The following LRRK1 variants were observed in gnomAD, a reference collection of about 807,000 sequenced individuals.
The protein encoded by LRRK1 is leucine-rich repeat serine/threonine-protein kinase 1.
In LRRK1, 113 loss-of-function variants were observed where a neutral mutation model predicts 209.1. The ratio of observed to expected loss-of-function variants is 0.54; its 90% CI spans 0.46 to 0.63. The LOEUF is 0.63. Ranked by LOEUF, LRRK1 falls within the 30% of genes least tolerant of loss-of-function variation. The pLI is 0.00. For synonymous variants in LRRK1, 1,144 were observed against 1,099.7 expected, an observed-to-expected ratio of 1.04 and a Z score of -0.80; for missense variants, 2,284 against 2,632.2, an observed-to-expected ratio of 0.87 and a Z score of 2.89.
chr15:100,936,276 C>T lies in LRRK1; in HGVS notation c.97+11547C>T, dbSNP rs180671282. Among the ~76,000 whole-genome samples the T allele has an allele frequency of 3.3e-5, 5 of 152,330 alleles. No individual in the cohort carries two copies. The East Asian group carries it at 7.7e-4, about 23-fold the overall frequency. On this transcript the variant is annotated intron_variant, in intron 2 of 33. Transcript: ENST00000388948. ...CCTTTGGATCTCTCCCTGATCACTGCTCTCCTTCAACTCCAGGGGTAGCCA... is the reference window on the plus strand; with the variant it reads ...CCTTTGGATCTCTCCCTGATCACTGTTCTCCTTCAACTCCAGGGGTAGCCA...
Position 101,027,324 on chromosome 15 carries a change from G to C in LRRK1, c.2469G>C (p.Thr823=). The change falls in exon 18 of 34, where the codon ACG becomes ACC. Residue 823 remains threonine, a synonymous_variant. Transcript: ENST00000388948. This position sits in a 1 kb window ranked among gnomAD's most constrained non-coding sequence, Gnocchi z 5.1. Reference sequence around the variant, plus strand: ...TGCGACAGCTGATTTTCCACGTCACGTGCAGCATGAAGGACGTGGGCAGCA... The same window carrying C: ...TGCGACAGCTGATTTTCCACGTCACCTGCAGCATGAAGGACGTGGGCAGCA... The part of the protein sequence containing the change: ...EGLRQLIFHV[T]CSMKDVGSTI... The C allele has an allele frequency of 6.2e-7, 1 of 1,614,112 alleles. No individual in the cohort carries two copies. The highest frequency in any genetic ancestry group is 8.5e-7 in the Non-Finnish European group (1 of 1,180,022).
chr15:100,948,509 T>C (rs77242029), intron 2 of LRRK1, among the ~76,000 whole-genome samples: 311 of 152,390 alleles, frequency 2.0e-3, no homozygotes, highest in Non-Finnish European at 3.4e-3. Flanking sequence ...TAACCCTTTG[T>C]CTATACGTTG....
chr15:100,984,375 T>C (rs1348330929), intron 4 of LRRK1, among the ~76,000 whole-genome samples: 1 of 152,186 alleles, frequency 6.6e-6, no homozygotes, highest in Non-Finnish European at 1.5e-5. Flanking sequence ...GTATATCCCA[T>C]CGGTTTTGAC....
chr15:101,062,664 T>G lies in LRRK1; in HGVS notation c.4888T>G (p.Phe1630Val). Residue 1630 changes from phenylalanine (F) to valine (V), a missense_variant, in exon 31 of 34, where the codon TTC becomes GTC. Phe to Val is a conservative substitution (Grantham distance 50, BLOSUM62 -1). Coordinates refer to ENST00000388948, the MANE Select transcript of LRRK1 (RefSeq NM_024652.6). ...ALDTPAVVTC[F>V]LAVPVIKKNS... ...GGATACTCCAGCTGTCGTCACCTGC[T>G]TCTTGGCCGTGCCTGTTATTAAAAA... 2 of 1,613,970 alleles carry G rather than the reference T, an allele frequency of 1.2e-6. No homozygotes were observed. Among genetic ancestry groups the G allele is most frequent in the Non-Finnish European group, 1.7e-6 (2 of 1,179,800 alleles).
In LRRK1 at chr15:101,061,270, C is replaced by T; in HGVS notation, c.4779C>T (p.Ser1593=). The T allele has an allele frequency of 6.2e-7, 1 of 1,613,114 alleles. No homozygotes were observed. The highest frequency in any genetic ancestry group is 8.5e-7 in the Non-Finnish European group (1 of 1,179,154). ...KVSCQLQVQR[S]LWTATEDQKI... ...GCTGCCAGCTCCAGGTCCAGAGATC[C>T]CTGTGGACAGCCACCGAGGTAAGCA... The change falls in exon 30 of 34, where the codon TCC becomes TCT. Residue 1593 remains serine, a synonymous_variant. Transcript: ENST00000388948.
At chr15:100,933,494 C>T (rs936806356) in intron 2 of LRRK1, among the ~76,000 whole-genome samples, 29 of 152,104 alleles carry the variant, frequency 1.9e-4, no homozygotes, top group Admixed American at 1.3e-3. Flanking sequence ...TATCTTTTCG[C>T]TCACATTTTC....
rs370180202 is a variant in LRRK1 at position 101,065,413 on chromosome 15, G to A, written c.4976G>A (p.Arg1659Gln). ...CTTGTGGCTGTGTTTCCCGTGGTGC[G>A]GGGCACCCCAAAGGACAGCTGCTCC... Reference protein sequence around the residue: ...DGLVAVFPVVRGTPKDSCSYL... With the variant: ...DGLVAVFPVVQGTPKDSCSYL... Residue 1659 changes from arginine (R) to glutamine (Q), a missense_variant, in exon 32 of 34, where the codon CGG becomes CAG. Physicochemically the swap from Arg to Gln is conservative, Grantham distance 43. Around this residue, in one of 6 missense-constraint regions of LRRK1, gnomAD observed 643 missense variants for 695.9 expected, o/e 0.92. Transcript: ENST00000388948. The A allele has an allele frequency of 4.0e-5, 64 of 1,613,960 alleles. No homozygotes were observed. The highest frequency in any genetic ancestry group is 3.6e-4 in the African/African-American group (27 of 74,936).
chr15:101,054,677 C>T (rs983078057), intron 26 of LRRK1, among the ~76,000 whole-genome samples: 2 of 152,102 alleles, frequency 1.3e-5, no homozygotes, highest in East Asian at 1.9e-4. Context: ...CATGGTGGCA[C>T]GCGCCTATAG....
intron 2 of LRRK1, among the ~76,000 whole-genome samples, chr15:100,960,277 C>CTTTTTTTTTTTTTTTTTTT (rs3031656): frequency 8.6e-6 from 1 of 116,760 alleles, no homozygotes; most frequent in Admixed American, 9.4e-5. Flanking sequence ...GTTCATATTG[C>CTTTTTTTTTTTTTTTTTTT]TTTTTTTTTT....
chr15:101,061,041 A>T, intron 29 of LRRK1, 130 bp from the exon 30 acceptor site: 1 of 719,230 alleles, frequency 1.4e-6, no homozygotes, highest in Non-Finnish European at 2.5e-6. Flanking sequence ...CTGCCCTCTC[A>T]GAACACAGGA....
rs78704991 is a variant in LRRK1, at chr15:101,011,191, G to A, written c.1281+354G>A. On this transcript the variant is annotated intron_variant, in intron 9 of 33. Transcript: ENST00000388948. ...TCACATAAGAGTAAGAAATCAGGCC[G>A]GGCGCTATGGCTCATGCCTGTAATC... Among the ~76,000 whole-genome samples, 722 of 152,114 alleles carry A rather than the reference G, an allele frequency of 4.7e-3. 2 individuals carry two copies. The highest frequency in any genetic ancestry group is 0.016 in the African/African-American group (674 of 41,480).
intron 6 of LRRK1, among the ~76,000 whole-genome samples, chr15:101,004,789 G>C (rs1157444388): frequency 1.3e-5 from 2 of 152,242 alleles, no homozygotes; most frequent in Non-Finnish European, 2.9e-5. Context: ...ATGTGGAGGA[G>C]GTGCTGAGAG....
intron 9 of LRRK1, 59 bp downstream of exon 9, chr15:101,010,896 C>G: frequency 6.6e-7 from 1 of 1,503,930 alleles, no homozygotes; most frequent in Non-Finnish European, 9.1e-7. Context: ...CAGCTGGCCT[C>G]AGAGAGCCCT....
In LRRK1 at chr15:100,941,911, G is replaced by A. The variant is rs188065870; in HGVS notation, c.97+17182G>A. ...CTATGGCTCCCCACTCCTCCCAGTC[G>A]CCCTGCTGGTGACCTGGGGACCCTC... On this transcript the variant is annotated intron_variant, in intron 2 of 33. Coordinates refer to ENST00000388948, the MANE Select transcript of LRRK1 (RefSeq NM_024652.6). Among the ~76,000 whole-genome samples the A allele has an allele frequency of 5.3e-3, 807 of 152,256 alleles. 2 individuals carry two copies. Among genetic ancestry groups the A allele is most frequent in the Non-Finnish European group, 8.0e-3 (544 of 67,998 alleles).
intron 33 of LRRK1, among the ~76,000 whole-genome samples, chr15:101,068,006 G>A (rs2036630203): frequency 6.6e-6 from 1 of 152,330 alleles, no homozygotes; most frequent in South Asian, 2.1e-4. Flanking sequence ...GTTTGCAGGA[G>A]CACCTCAGTG....
At chr15:101,021,271 C>T in intron 13 of LRRK1, 89 bp downstream of exon 13, 2 of 1,444,924 alleles carry the variant, frequency 1.4e-6, no homozygotes, top group East Asian at 2.3e-5. Flanking sequence ...CACAGAAAGC[C>T]AGGCAGAAAG....
At chr15:101,067,601 A>G (rs1332118780) in intron 33 of LRRK1, among the ~76,000 whole-genome samples, 1 of 152,178 alleles carries the variant, frequency 6.6e-6, no homozygotes, top group Non-Finnish European at 1.5e-5. Flanking sequence ...CTTCTCCCAA[A>G]GCAGGACAAT....
At chr15:100,968,752 C>G (rs2030655140) in intron 2 of LRRK1, among the ~76,000 whole-genome samples, 1 of 147,250 alleles carries the variant, frequency 6.8e-6, no homozygotes, top group Non-Finnish European at 1.5e-5. Context: ...TCCTTTCTTT[C>G]TTTCCTTCCT....
rs575611489 is a variant in LRRK1 at position 101,022,037 on chromosome 15, G to A, written c.1852+80G>A. 64 of 1,015,410 alleles carry A rather than the reference G, an allele frequency of 6.3e-5. 1 individual carries two copies. The African/African-American group carries it at 9.4e-4, about 15-fold the overall frequency. 62.9% of individuals were successfully genotyped at this position (1,015,410 alleles called of 1,614,324 possible). On this transcript the variant is annotated intron_variant, in intron 14 of 33. Transcript: ENST00000388948. This position sits in a 1 kb window ranked among gnomAD's most constrained non-coding sequence, Gnocchi z 4.0. ...GTCCACTTGTTAAGTTCTGGGGGTG[G>A]AGACAGTTGGTGACCCATGGAGCCC...
Sources: gnomAD v4.1 joint callset for allele counts (sites outside exome capture counted in the v4.1 genomes callset) on GRCh38, gnomAD v4.1.1 for gene constraint, gnomAD v4.1.1 regional missense constraint, Gnocchi (gnomAD v3.1) non-coding constraint, MANE v1.5 for transcripts, NCBI Gene and HGNC (gene_info 2026-07-23, HGNC 2026-07-21) for gene names.